Variants in TSNAX observed in about 807,000 individuals in gnomAD.
TSNAX encodes translin-associated protein X.
In TSNAX, 12 loss-of-function variants were observed where a neutral mutation model predicts 33.0. The ratio of observed to expected loss-of-function variants is 0.36; its 90% confidence interval spans 0.23 to 0.59. TSNAX has a LOEUF of 0.59. Ranked by LOEUF, TSNAX falls within the 20% of genes least tolerant of loss-of-function variation. TSNAX has a pLI of 0.74. For synonymous variants in TSNAX, 110 were observed against 117.2 expected (o/e 0.94, Z 0.40); for missense variants, 267 against 341.3 (o/e 0.78, Z 1.72).
chr1:231,554,902 A>C (rs1660588468), intron 4 of TSNAX, among the ~76,000 whole-genome samples: 1 of 152,196 alleles, frequency 6.6e-6, no homozygotes, highest in African/African-American at 2.4e-5. Context: ...TCTATGCCTC[A>C]ATTTGTTCAT....
chr1:231,541,419 G>C (rs1237738138), intron 3 of TSNAX, among the ~76,000 whole-genome samples: 1 of 152,190 alleles, frequency 6.6e-6, no homozygotes, highest in Non-Finnish European at 1.5e-5. Flanking sequence ...ACCATGCAAA[G>C]TAAGGACTAC....
intron 4 of TSNAX, among the ~76,000 whole-genome samples, chr1:231,556,171 C>T (rs571564275): frequency 1.4e-4 from 21 of 152,018 alleles, no homozygotes; most frequent in Non-Finnish European, 1.6e-4. Flanking sequence ...TTGTTTTGTC[C>T]GTGAGTCAAT....
intron 3 of TSNAX, among the ~76,000 whole-genome samples, chr1:231,538,282 A>G (rs573047153): frequency 1.3e-5 from 2 of 152,378 alleles, no homozygotes; most frequent in African/African-American, 4.8e-5. Flanking sequence ...TAATTATAAA[A>G]AAAGCCACTA....
intron 2 of TSNAX, chr1:231,534,600 A>G (rs1659034700): frequency 6.6e-6 from 1 of 152,240 alleles, no homozygotes. Context: ...AAAAAGTAAT[A>G]GCAGCAAAAT....
intron 4 of TSNAX, among the ~76,000 whole-genome samples, chr1:231,560,254 C>T (rs1392459638): frequency 6.6e-6 from 1 of 152,028 alleles, no homozygotes; most frequent in Admixed American, 6.5e-5. Flanking sequence ...GCTGGGATTA[C>T]AGGCGTGAGC....
chr1:231,545,383 C>G (rs187378267), intron 4 of TSNAX, among the ~76,000 whole-genome samples: 4 of 152,314 alleles, frequency 2.6e-5, no homozygotes, highest in Non-Finnish European at 5.9e-5. Flanking sequence ...CTTGTGTGAG[C>G]TCAAACATTG....
In TSNAX at chr1:231,528,687, T is replaced by G. The variant is rs1658424670; in HGVS notation, c.-124T>G. On this transcript the variant is annotated 5_prime_UTR_variant, in exon 1 of 6. Transcript: ENST00000366639. ...GAGACTTCCGGCCACTGCGTTGTAGTCGGCCCGGCTGCAAAGCGTTTTTCT... is the reference window on the plus strand; with the variant it reads ...GAGACTTCCGGCCACTGCGTTGTAGGCGGCCCGGCTGCAAAGCGTTTTTCT... 1 of 1,110,622 alleles carries G rather than the reference T, an allele frequency of 9.0e-7. No homozygotes were observed. Among genetic ancestry groups the G allele is most frequent in the Non-Finnish European group, 1.3e-6 (1 of 744,382 alleles). The allele number at this position is 1,110,622 out of a possible 1,614,324, so 68.8% of individuals were successfully genotyped here.
intron 5 of TSNAX, among the ~76,000 whole-genome samples, 185 bp downstream of exon 5, chr1:231,561,440 ACT>A (rs1194741138): frequency 6.6e-6 from 1 of 152,144 alleles, no homozygotes; most frequent in Non-Finnish European, 1.5e-5. Context: ...AACAAGAACA[ACT>A]CTGGGCATAT....
chr1:231,547,760 A>G (rs1332202776), intron 4 of TSNAX, among the ~76,000 whole-genome samples: 1 of 151,946 alleles, frequency 6.6e-6, no homozygotes, highest in African/African-American at 2.4e-5. Flanking sequence ...TTAGGATAAC[A>G]TTTTAGAAGA....
chr1:231,543,628 T>C (rs1428498028), intron 4 of TSNAX, among the ~76,000 whole-genome samples: 2 of 152,136 alleles, frequency 1.3e-5, no homozygotes, highest in African/African-American at 4.8e-5. Context: ...AATACCCAGT[T>C]TTAGCCTAAA....
At chr1:231,558,284 C>T (rs1168436375) in intron 4 of TSNAX, among the ~76,000 whole-genome samples, 1 of 152,120 alleles carries the variant, frequency 6.6e-6, no homozygotes, top group Non-Finnish European at 1.5e-5. Context: ...ATGCTGTTGG[C>T]CACCTTGAAG....
At chr1:231,561,050 C>T (rs1572150172) in intron 4 of TSNAX, 78 bp from the exon 5 acceptor site, 3 of 1,424,028 alleles carry the variant, frequency 2.1e-6, no homozygotes, top group East Asian at 4.7e-5. Flanking sequence ...AGATGATGAT[C>T]AATATGAAGT....
At chr1:231,542,335 C>T (rs1468517574) in intron 3 of TSNAX, 146 bp from the exon 4 acceptor site, 1 of 739,900 alleles carries the variant, frequency 1.4e-6, no homozygotes, top group Non-Finnish European at 2.1e-6. Context: ...TTCATGTTCT[C>T]CATACTATGA....
In TSNAX at chr1:231,565,415, T is replaced by C. The variant is rs1015311785; in HGVS notation, c.*510T>C. ...GAACAAGAATTAAAAATGAATAAGC[T>C]ATCAATATATAATTTAAGTACAAGT... On this transcript the variant is annotated 3_prime_UTR_variant, in exon 6 of 6. Transcript: ENST00000366639. The C allele has an allele frequency of 6.5e-6, 1 of 152,848 alleles. No individual in the cohort carries two copies. The highest frequency in any genetic ancestry group is 1.5e-5 in the Non-Finnish European group (1 of 68,600). The allele number at this position is 152,848 out of a possible 1,614,324, so 9.5% of individuals were successfully genotyped here. A position where few individuals can be genotyped will look rare whatever the true frequency, so the allele number is the denominator to read the frequency against.
Position 231,566,331 on chromosome 1 carries a change from A to G in TSNAX, c.*1426A>G, listed in dbSNP as rs955371142. ...AATTTGCCTACTGAAATAGTTATAG[A>G]TGATTACTTGTGATGTGAAACTGAA... On this transcript the variant is annotated 3_prime_UTR_variant, in exon 6 of 6. Transcript: ENST00000366639. 1 of 152,608 alleles carries G rather than the reference A, an allele frequency of 6.6e-6. No individual in the cohort carries two copies. The allele number at this position is 152,608 out of a possible 1,614,324, so 9.5% of individuals were successfully genotyped here. A position where few individuals can be genotyped will look rare whatever the true frequency, so the allele number is the denominator to read the frequency against.
intron 4 of TSNAX, among the ~76,000 whole-genome samples, chr1:231,551,253 C>T (rs1232245850): frequency 1.3e-5 from 2 of 152,106 alleles, no homozygotes; most frequent in Non-Finnish European, 2.9e-5. Context: ...TTTAGAAGAT[C>T]CCCAGATTGG....
intron 2 of TSNAX, 176 bp from the exon 3 acceptor site, chr1:231,537,037 A>G (rs909571870): frequency 9.2e-6 from 4 of 433,122 alleles, no homozygotes; most frequent in African/African-American, 4.2e-5. Flanking sequence ...TTCACCGTCT[A>G]GGCCAGGATG....
chr1:231,533,183 C>T (rs1164421066), intron 2 of TSNAX, among the ~76,000 whole-genome samples: 1 of 151,940 alleles, frequency 6.6e-6, no homozygotes, highest in Non-Finnish European at 1.5e-5. Context: ...TCTCCTGCCT[C>T]CGCCTCCCAG....
intron 2 of TSNAX, 85 bp from the exon 3 acceptor site, chr1:231,537,128 G>T: frequency 9.6e-7 from 1 of 1,036,874 alleles, no homozygotes. Context: ...ACCGCACCCA[G>T]CATATGTGAC....
Sources: gnomAD v4.1 joint callset for allele counts (sites outside exome capture counted in the v4.1 genomes callset) on GRCh38, gnomAD v4.1.1 for gene constraint, MANE v1.5 for transcripts, NCBI Gene and HGNC (gene_info 2026-07-23, HGNC 2026-07-21) for gene names.